The following CDH20 variants were observed in gnomAD, a reference collection of about 807,000 sequenced individuals.
CDH20 encodes the protein cadherin-20.
CDH20 carries 29 observed loss-of-function variants against 74.2 expected under a neutral mutation model. The observed-to-expected ratio is 0.39, with a 90% CI of 0.29 to 0.53. CDH20 has a LOEUF of 0.53. Ranked by LOEUF, CDH20 falls within the 20% of genes least tolerant of loss-of-function variation. The pLI, the probability that CDH20 is intolerant of heterozygous loss-of-function variation, is 0.69. For synonymous variants in CDH20, 469 were observed against 405.4 expected, an observed-to-expected ratio of 1.16 and a Z score of -1.88; for missense variants, 988 against 1,048.3, an observed-to-expected ratio of 0.94 and a Z score of 0.79.
At chr18:61,541,864 C>G (rs996306991) in intron 9 of CDH20, among the ~76,000 whole-genome samples, 3 of 152,108 alleles carry the variant, frequency 2.0e-5, no homozygotes, top group African/African-American at 7.2e-5. Context: ...GGAATGAAAC[C>G]AGCTGAGCAG....
At chr18:61,338,726 T>G (rs923079414) in intron 1 of CDH20, among the ~76,000 whole-genome samples, 1 of 152,152 alleles carries the variant, frequency 6.6e-6, no homozygotes, top group Non-Finnish European at 1.5e-5. Context: ...GTCAGAAACA[T>G]GCACAGCATA....
intron 1 of CDH20, among the ~76,000 whole-genome samples, chr18:61,452,420 C>A (rs1909423873): frequency 6.6e-6 from 1 of 152,106 alleles, no homozygotes; most frequent in Admixed American, 6.5e-5. Context: ...TATCATCCTT[C>A]CAACAATTCT....
chr18:61,492,347 G>A (rs554424869), intron 2 of CDH20, among the ~76,000 whole-genome samples: 2 of 152,096 alleles, frequency 1.3e-5, no homozygotes, highest in African/African-American at 4.8e-5. Context: ...TGTCACCTGG[G>A]CAAGTACCTA....
intron 1 of CDH20, among the ~76,000 whole-genome samples, chr18:61,370,369 A>T (rs997694977): frequency 6.6e-6 from 1 of 152,140 alleles, no homozygotes; most frequent in Non-Finnish European, 1.5e-5. Flanking sequence ...TAGATAGCTT[A>T]AAAGTGAATA....
intron 1 of CDH20, among the ~76,000 whole-genome samples, chr18:61,428,017 A>G (rs1913130484): frequency 1.3e-5 from 2 of 152,182 alleles, no homozygotes; most frequent in African/African-American, 2.4e-5. Context: ...AGCCCCCTCC[A>G]CAAACTTACA....
At chr18:61,357,118 C>T (rs1269239846) in intron 1 of CDH20, among the ~76,000 whole-genome samples, 1 of 152,164 alleles carries the variant, frequency 6.6e-6, no homozygotes, top group Non-Finnish European at 1.5e-5. Flanking sequence ...TTCCAACTTG[C>T]CTCCCTGCTG....
intron 10 of CDH20, 83 bp from the exon 11 acceptor site, chr18:61,549,895 C>T (rs771730343): frequency 3.5e-6 from 5 of 1,420,204 alleles, no homozygotes; most frequent in Non-Finnish European, 4.9e-6. Flanking sequence ...TTCCTACACC[C>T]TGCCCCTGCC....
chr18:61,414,249 T>A (rs1222689567), intron 1 of CDH20, among the ~76,000 whole-genome samples: 1 of 151,948 alleles, frequency 6.6e-6, no homozygotes, highest in Non-Finnish European at 1.5e-5. Context: ...CTCTAAGGGG[T>A]CTTGGATACT....
In CDH20 at chr18:61,407,703, C is replaced by T. The variant is rs117717726; in HGVS notation, c.-153+73876C>T. ...ATAATTCTTGTTAAAAATGCATAAC[C>T]CAATGCAGTCATAGAAAACAGCAGA... On this transcript the variant is annotated intron_variant, in intron 1 of 11. Transcript: ENST00000262717. Among the ~76,000 whole-genome samples the T allele has an allele frequency of 9.9e-3, 1,512 of 152,220 alleles. 12 individuals are homozygous for T. The highest frequency in any genetic ancestry group is 0.013 in the Non-Finnish European group (886 of 68,002).
At chr18:61,504,242 C>A (rs891782369) in intron 5 of CDH20, among the ~76,000 whole-genome samples, 12 of 152,038 alleles carry the variant, frequency 7.9e-5, no homozygotes, top group African/African-American at 2.9e-4. Context: ...GCAGGGGAGT[C>A]GGTTAGGAGG....
chr18:61,436,892 G>T (rs138507470), intron 1 of CDH20, among the ~76,000 whole-genome samples: 220 of 152,248 alleles, frequency 1.4e-3, no homozygotes, highest in Admixed American at 2.8e-3. Context: ...ACAATAAATA[G>T]CTGTGTGAAT....
At chr18:61,532,625 G>A (rs914195207) in intron 7 of CDH20, among the ~76,000 whole-genome samples, 1 of 151,518 alleles carries the variant, frequency 6.6e-6, no homozygotes, top group African/African-American at 2.4e-5. Context: ...GCATGTGATA[G>A]TTTGGCATGC....
At chr18:61,531,305 A>G (rs914978516) in intron 7 of CDH20, among the ~76,000 whole-genome samples, 2 of 152,062 alleles carry the variant, frequency 1.3e-5, no homozygotes, top group Admixed American at 6.5e-5. Context: ...GACATTCACT[A>G]TATTGCCGTA....
At chr18:61,379,497 C>T (rs1170556643) in intron 1 of CDH20, among the ~76,000 whole-genome samples, 1 of 152,108 alleles carries the variant, frequency 6.6e-6, no homozygotes, top group Non-Finnish European at 1.5e-5. Flanking sequence ...CTAGGCTCCA[C>T]AATATAAAGC....
chr18:61,536,734 G>A, intron 8 of CDH20, 105 bp downstream of exon 8: 2 of 978,088 alleles, frequency 2.0e-6, no homozygotes, highest in East Asian at 4.9e-5. Flanking sequence ...TCCTTTAAGG[G>A]AAGAAATGGA....
chr18:61,459,830 T>C (rs181914949), intron 1 of CDH20, among the ~76,000 whole-genome samples: 1 of 152,292 alleles, frequency 6.6e-6, no homozygotes, highest in Admixed American at 6.5e-5. Context: ...AGGAATACTC[T>C]AATCATTCCT....
intron 10 of CDH20, among the ~76,000 whole-genome samples, chr18:61,546,146 G>C (rs1018415943): frequency 9.8e-5 from 15 of 152,326 alleles, no homozygotes; most frequent in Admixed American, 6.5e-5. Flanking sequence ...TGAGACTGCA[G>C]TAGCGTCATT....
chr18:61,547,374 A>G (rs189292476), intron 10 of CDH20, among the ~76,000 whole-genome samples: 5 of 152,244 alleles, frequency 3.3e-5, no homozygotes, highest in Admixed American at 6.5e-5. Context: ...GGGCAGATCT[A>G]CTGTCAACTA....
chr18:61,500,081 CGA>C (rs1911312588), intron 3 of CDH20, among the ~76,000 whole-genome samples: 1 of 119,748 alleles, frequency 8.4e-6, no homozygotes, highest in African/African-American at 3.3e-5. Flanking sequence ...TCCAGCCTGG[CGA>C]CAGAGTGAGA....
Sources: allele counts gnomAD v4.1 joint callset (sites outside exome capture counted in the v4.1 genomes callset), GRCh38; gene constraint gnomAD v4.1.1; transcripts MANE v1.5; gene names NCBI Gene and HGNC (gene_info 2026-07-23, HGNC 2026-07-21).